The following PIN1 variants were observed in gnomAD, a reference collection of about 807,000 sequenced individuals.
PIN1 encodes the protein peptidylprolyl cis/trans isomerase, NIMA-interacting 1.
PIN1 carries 8 observed loss-of-function variants against 19.9 expected under a neutral mutation model. That is an observed-to-expected ratio of 0.40 (90% CI 0.24 to 0.72). The LOEUF (loss-of-function observed/expected upper bound fraction) is 0.72. Ranked by LOEUF, PIN1 falls within the 30% of genes least tolerant of loss-of-function variation. The probability of loss-of-function intolerance (pLI) is 0.37; values close to 1 mark genes in which losing one functional copy is unlikely to be tolerated. For synonymous variants in PIN1, 86 were observed against 90.8 expected (o/e 0.95, Z 0.30); for missense variants, 185 against 226.5 (o/e 0.82, Z 1.18).
At chr19:9,839,279 C>T (rs956891345) in intron 2 of PIN1, among the ~76,000 whole-genome samples, 5 of 151,946 alleles carry the variant, frequency 3.3e-5, no homozygotes, top group African/African-American at 7.3e-5. Flanking sequence ...ACTAAAAATA[C>T]AAAGATTAGC....
At chr19:9,839,151 A>G (rs936468135) in intron 2 of PIN1, among the ~76,000 whole-genome samples, 11 of 152,030 alleles carry the variant, frequency 7.2e-5, no homozygotes, top group Admixed American at 5.9e-4. Flanking sequence ...TAGTGAGTGC[A>G]TGCAGGGTGC....
chr19:9,842,197 G>GGGA (rs2046174089), intron 2 of PIN1, among the ~76,000 whole-genome samples: 1 of 152,272 alleles, frequency 6.6e-6, no homozygotes, highest in East Asian at 1.9e-4. Flanking sequence ...AGAAGTGAGA[G>GGGA]GGAGCAGACC....
chr19:9,843,774 G>A (rs760949735), intron 2 of PIN1, among the ~76,000 whole-genome samples: 13 of 152,188 alleles, frequency 8.5e-5, no homozygotes, highest in Non-Finnish European at 1.6e-4. Context: ...CTGGCCAGGC[G>A]CAGTGGCTCA....
At chr19:9,844,347 C>G (rs191370876) in intron 2 of PIN1, among the ~76,000 whole-genome samples, 12 of 152,268 alleles carry the variant, frequency 7.9e-5, no homozygotes, top group African/African-American at 9.6e-5. Flanking sequence ...GAGTGAGGCT[C>G]CAAGAGGTAA....
At chr19:9,839,406 G>A (rs1489845977) in intron 2 of PIN1, among the ~76,000 whole-genome samples, 1 of 144,044 alleles carries the variant, frequency 6.9e-6, no homozygotes, top group South Asian at 2.2e-4. Context: ...GCAAAGTGAG[G>A]CACCATCTCA....
At chr19:9,842,545 C>G (rs1276455107) in intron 2 of PIN1, among the ~76,000 whole-genome samples, 1 of 152,190 alleles carries the variant, frequency 6.6e-6, no homozygotes, top group African/African-American at 2.4e-5. Context: ...TGCTGCCACC[C>G]CACAGCCCGT....
At chr19:9,848,183 A>G in intron 3 of PIN1, 43 bp downstream of exon 3, 1 of 1,203,362 alleles carries the variant, frequency 8.3e-7, no homozygotes, top group Middle Eastern at 1.9e-4. Context: ...GACCCTTACC[A>G]CCCTGAGGGG....
chr19:9,837,025 T>C (rs1166520461), intron 1 of PIN1: 1 of 435,040 alleles, frequency 2.3e-6, no homozygotes, highest in Non-Finnish European at 4.5e-6. Context: ...TCTCACTGTG[T>C]GGCTCAGGCT....
chr19:9,848,357 A>T, intron 3 of PIN1: 2 of 575,684 alleles, frequency 3.5e-6, no homozygotes, highest in East Asian at 5.9e-5. Flanking sequence ...TCCTGGCATC[A>T]TCTCTACCCT....
At position 9,846,759 on chromosome 19, in the gene PIN1, A is replaced by G. The variant is rs2046224229; in HGVS notation, c.272-1271A>G. On this transcript the variant is annotated intron_variant, in intron 2 of 3. Transcript: ENST00000247970. The surrounding 1 kb of genome is among the most constrained non-coding windows in gnomAD (Gnocchi z 5.9). ...GTATCAGCTATGTATGTCCTGGGCA[A>G]GTTGGCCGGCAGGTGTGTCATGGCA... Among the ~76,000 whole-genome samples, 1 of 152,080 alleles carries G rather than the reference A, an allele frequency of 6.6e-6. No homozygotes were observed. Among genetic ancestry groups the G allele is most frequent in the Non-Finnish European group, 1.5e-5 (1 of 67,998 alleles).
intron 2 of PIN1, among the ~76,000 whole-genome samples, chr19:9,843,153 A>G (rs937448617): frequency 2.6e-5 from 4 of 152,220 alleles, no homozygotes; most frequent in African/African-American, 9.6e-5. Flanking sequence ...TCACATGCCC[A>G]GGGCCTGGAG....
rs1365426577 is a variant in PIN1, at chr19:9,838,396, G to A, written c.59-40G>A. On this transcript the variant is annotated intron_variant, in intron 1 of 3. Coordinates refer to ENST00000247970, the MANE Select transcript of PIN1 (RefSeq NM_006221.4). The surrounding 1 kb of genome is among the most constrained non-coding windows in gnomAD (Gnocchi z 5.8). ...CTGTGGGCCCAGGGGTGTCCTGGGA[G>A]CACAACCCTAGCTGAATTCCTGCCT... is the stretch of plus-strand genomic sequence containing the variant. The A allele has an allele frequency of 6.5e-7, 1 of 1,530,520 alleles. No individual in the cohort carries two copies. The highest frequency in any genetic ancestry group is 1.2e-5 in the South Asian group (1 of 84,516). 94.8% of individuals were successfully genotyped at this position (1,530,520 alleles called of 1,614,324 possible).
rs758634788 is a variant in PIN1 at position 9,838,816 on chromosome 19, T to C, written c.271+168T>C. Among the ~76,000 whole-genome samples the C allele has an allele frequency of 3.9e-5, 6 of 152,174 alleles. No homozygotes were observed. The highest frequency in any genetic ancestry group is 8.8e-5 in the Non-Finnish European group (6 of 68,018). On this transcript the variant is annotated intron_variant, in intron 2 of 3. Transcript: ENST00000247970. The surrounding 1 kb of genome is among the most constrained non-coding windows in gnomAD (Gnocchi z 5.8). ...ACCCTGACCTTCACAGCAGCCATTCTCTTTCTTTTCCATCTGGCATTTGAG... is the reference window on the plus strand; with the variant it reads ...ACCCTGACCTTCACAGCAGCCATTCCCTTTCTTTTCCATCTGGCATTTGAG...
intron 1 of PIN1, chr19:9,835,746 T>C: frequency 3.0e-6 from 1 of 334,588 alleles, no homozygotes. Flanking sequence ...GGGGCACCCC[T>C]GGGAGGGAGA....
chr19:9,849,264 G>A lies in PIN1; in HGVS notation c.*65G>A. 2 of 1,091,386 alleles carry A rather than the reference G, an allele frequency of 1.8e-6. No homozygotes were observed. The highest frequency in any genetic ancestry group is 2.6e-5 in the East Asian group (1 of 39,132). 67.6% of individuals were successfully genotyped at this position (1,091,386 alleles called of 1,614,324 possible). Reference sequence around the variant, plus strand: ...CGGCTAGGCCGGCCAGCTCCCCCTTGCCCGCCAGCCAGTGGCCGAACCCCC... The same window carrying A: ...CGGCTAGGCCGGCCAGCTCCCCCTTACCCGCCAGCCAGTGGCCGAACCCCC... On this transcript the variant is annotated 3_prime_UTR_variant, in exon 4 of 4. Coordinates refer to ENST00000247970, the MANE Select transcript of PIN1 (RefSeq NM_006221.4).
chr19:9,836,844 A>T, intron 1 of PIN1: 1 of 1,287,026 alleles, frequency 7.8e-7, no homozygotes, highest in Non-Finnish European at 1.0e-6. Context: ...AGGAAGCGTT[A>T]CCCACTGCTG....
intron 2 of PIN1, among the ~76,000 whole-genome samples, chr19:9,839,777 G>T (rs1296301733): frequency 6.6e-6 from 1 of 152,182 alleles, no homozygotes; most frequent in Admixed American, 6.5e-5. Context: ...TGTGCGGGAG[G>T]ATCACTTGAG....
chr19:9,844,392 C>T (rs552087205), intron 2 of PIN1, among the ~76,000 whole-genome samples: 1 of 152,316 alleles, frequency 6.6e-6, no homozygotes, highest in Non-Finnish European at 1.5e-5. Flanking sequence ...TCAGGAGCAG[C>T]AGAGGTAGGA....
chr19:9,845,244 TTTTGTTTGTTTG>T (rs3837946), intron 2 of PIN1, among the ~76,000 whole-genome samples: 2,082 of 122,358 alleles, frequency 0.017, 67 homozygotes, highest in African/African-American at 0.055. Context: ...AAGAAAGCGT[TTTTGTTTGTTTG>T]TTTGTTTGTT....
Sources: allele counts gnomAD v4.1 joint callset (sites outside exome capture counted in the v4.1 genomes callset), GRCh38; gene constraint gnomAD v4.1.1; non-coding constraint Gnocchi (gnomAD v3.1); transcripts MANE v1.5; gene names NCBI Gene and HGNC (gene_info 2026-07-23, HGNC 2026-07-21).